CFAP58: variants seen among roughly 807,000 people sequenced by gnomAD.
CFAP58 encodes the protein cilia- and flagella-associated protein 58.
CFAP58 carries 88 observed loss-of-function variants against 119.5 expected under a neutral mutation model. The ratio of observed to expected loss-of-function variants is 0.74; its 90% CI spans 0.62 to 0.88. The LOEUF is 0.88. CFAP58 is among the 40% of genes least tolerant of loss of function. The pLI is 0.00. For synonymous variants in CFAP58, 365 were observed against 366.3 expected, an observed-to-expected ratio of 1.00 and a Z score of 0.04; for missense variants, 990 against 1,021.2, an observed-to-expected ratio of 0.97 and a Z score of 0.42.
intron 9 of CFAP58, 51 bp downstream of exon 9, chr10:104,380,271 C>A: frequency 2.0e-6 from 3 of 1,465,178 alleles, no homozygotes; most frequent in South Asian, 1.2e-5. Context: ...TTCCTTCCTC[C>A]GCATTTCTGA....
intron 1 of CFAP58, among the ~76,000 whole-genome samples, chr10:104,354,917 T>C (rs2014522359): frequency 1.3e-5 from 2 of 152,028 alleles, no homozygotes; most frequent in South Asian, 4.1e-4. Context: ...CACCCCATTC[T>C]AGTTACTCTC....
intron 9 of CFAP58, among the ~76,000 whole-genome samples, chr10:104,380,818 G>A (rs1174161940): frequency 1.3e-5 from 2 of 151,744 alleles, no homozygotes; most frequent in East Asian, 1.9e-4. Flanking sequence ...GCAACATGTC[G>A]AGACCCTGTC....
At position 104,393,448 on chromosome 10, in the gene CFAP58, A is replaced by G. The variant is rs1318226856; in HGVS notation, c.1647A>G (p.Arg549=). 6.2e-7 allele frequency: 1 copy of G among 1,613,912 alleles called. No homozygotes were observed. The highest frequency in any genetic ancestry group is 8.5e-7 in the Non-Finnish European group (1 of 1,179,852). The change falls in exon 11 of 18, where the codon CGA becomes CGG. Residue 549 remains arginine (R), a synonymous_variant. Coordinates refer to ENST00000369704, the MANE Select transcript of CFAP58 (RefSeq NM_001008723.2). The stretch of plus-strand genomic sequence containing the variant: ...TGAAGCTGCACCTGGAACAGCAGCG[A>G]ATAGAAAAGGAAAAGGAAACATTGA... ...ALVKLHLEQQ[R]IEKEKETLKA... is the part of the protein sequence containing the mutation.
rs544640054 is a variant in CFAP58 at position 104,399,407 on chromosome 10, T to C, written c.1722T>C (p.Phe574=). 2.1e-5 allele frequency: 34 copies of C among 1,613,830 alleles called. No homozygotes were observed. The highest frequency in any genetic ancestry group is 6.7e-5 in the African/African-American group (5 of 75,030). The change falls in exon 12 of 18, where the codon TTT becomes TTC. Residue 574 remains phenylalanine (F), a synonymous_variant. Transcript: ENST00000369704. The part of the protein sequence containing the change: ...LRQQALETKH[F]IEKQEAEERK... The stretch of plus-strand genomic sequence containing the variant: ...AACAAGCCCTGGAGACAAAACACTT[T>C]ATTGAAAAGCAAGAAGCTGAAGAGA...
the CFAP58 span, among the ~76,000 whole-genome samples, chr10:104,344,741 C>G: frequency 6.6e-6 from 1 of 152,088 alleles, no homozygotes; most frequent in Non-Finnish European, 1.5e-5. Flanking sequence ...CTTTTTGCCT[C>G]CCTTGCATTG....
rs2012872493 is a variant in CFAP58 at position 104,432,848 on chromosome 10, T to C, written c.2257-14850T>C. Among the ~76,000 whole-genome samples the C allele has an allele frequency of 2.0e-5, 3 of 152,312 alleles. 1 individual carries two copies. Among genetic ancestry groups the C allele is most frequent in the Admixed American group, 2.0e-4 (3 of 15,302 alleles). ...GGGTAGAGTTTAAATGGATGTAAAC[T>C]TTCTAGAAGAGAATATGGTAGTATG... On this transcript the variant is annotated intron_variant, in intron 15 of 17. Transcript: ENST00000369704.
chr10:104,376,497 C>T lies in CFAP58; in HGVS notation c.1091-314C>T, dbSNP rs1414967970. 1.1e-4 allele frequency among the ~76,000 whole-genome samples: 15 copies of T among 137,952 alleles called. No homozygotes were observed. The South Asian group carries it at 2.5e-3, about 23-fold the overall frequency. 90.5% of individuals were successfully genotyped at this position (137,952 alleles called of 152,430 possible). ...CAGCCTGGGCGACAGAGCAAAACTC[C>T]GTCTCAAAAAAAAAAAAAAAAAAAG... On this transcript the variant is annotated intron_variant, in intron 7 of 17. Transcript: ENST00000369704.
chr10:104,358,699 G>C, intron 2 of CFAP58, 77 bp downstream of exon 2: 2 of 1,320,824 alleles, frequency 1.5e-6, no homozygotes, highest in Non-Finnish European at 2.1e-6. Flanking sequence ...CTCTAGGCTG[G>C]TAGTAAATGA....
chr10:104,351,176 C>T (rs1231894681), upstream of CFAP58, among the ~76,000 whole-genome samples: 1 of 152,144 alleles, frequency 6.6e-6, no homozygotes, highest in African/African-American at 2.4e-5. Context: ...GTGGTTCAGC[C>T]TGCCTCTCCA....
At chr10:104,420,016 A>G (rs184769581) in intron 15 of CFAP58, among the ~76,000 whole-genome samples, 1 of 152,224 alleles carries the variant, frequency 6.6e-6, no homozygotes, top group East Asian at 1.9e-4. Flanking sequence ...TAAAGCTCAG[A>G]TAGGTTTATG....
chr10:104,454,591 G>C lies in CFAP58; in HGVS notation c.*61G>C. ...ATGAAATCTGCTCTGGGACATTTTG[G>C]GGGAATCTCAAAGTCCTTGGATCAT... On this transcript the variant is annotated 3_prime_UTR_variant, in exon 18 of 18. Transcript: ENST00000369704. 1 of 1,270,028 alleles carries C rather than the reference G, an allele frequency of 7.9e-7. No individual in the cohort carries two copies. Among genetic ancestry groups the C allele is most frequent in the Admixed American group, 1.7e-5 (1 of 57,176 alleles). 78.7% of individuals were successfully genotyped at this position (1,270,028 alleles called of 1,614,324 possible).
the CFAP58 span, among the ~76,000 whole-genome samples, chr10:104,348,304 G>T: frequency 1.3e-5 from 2 of 152,126 alleles, no homozygotes; most frequent in Non-Finnish European, 2.9e-5. Flanking sequence ...ATGTAGGCCT[G>T]CAAGTCAGTG....
chr10:104,406,013 T>C (rs2133049864), intron 14 of CFAP58, among the ~76,000 whole-genome samples: 1 of 152,212 alleles, frequency 6.6e-6, no homozygotes, highest in East Asian at 1.9e-4. Flanking sequence ...GGAGGATTGC[T>C]CGATCCCCCA....
intron 15 of CFAP58, among the ~76,000 whole-genome samples, chr10:104,420,843 C>T (rs1415198152): frequency 1.3e-5 from 2 of 148,764 alleles, no homozygotes; most frequent in East Asian, 2.0e-4. Context: ...GCCTCAAGTT[C>T]CTGGGCTCAG....
intron 15 of CFAP58, among the ~76,000 whole-genome samples, chr10:104,441,460 A>G (rs1405655588): frequency 6.6e-6 from 1 of 152,246 alleles, no homozygotes; most frequent in African/African-American, 2.4e-5. Flanking sequence ...AATTCTTCAC[A>G]TGGATTAAAT....
the CFAP58 span, among the ~76,000 whole-genome samples, chr10:104,340,212 C>T: frequency 6.6e-6 from 1 of 152,190 alleles, no homozygotes; most frequent in East Asian, 1.9e-4. Flanking sequence ...ATCTCACCAG[C>T]CTCATATCTC....
chr10:104,367,699 T>G (rs762881051), intron 5 of CFAP58, among the ~76,000 whole-genome samples: 1 of 152,222 alleles, frequency 6.6e-6, no homozygotes, highest in Non-Finnish European at 1.5e-5. Context: ...GGAAGTTATA[T>G]TTTGGAGACA....
chr10:104,368,586 C>T, intron 6 of CFAP58, 26 bp downstream of exon 6: 1 of 1,611,932 alleles, frequency 6.2e-7, no homozygotes, highest in Non-Finnish European at 8.5e-7. Flanking sequence ...CATGTCTGTT[C>T]CCTAGCTCTT....
chr10:104,438,348 G>GT lies in CFAP58; in HGVS notation c.2257-9338dup, dbSNP rs759400382. ...ATTGTTTTTTTGTTTTTTGTTTTTT[G>GT]TTTTTTTTTTTTGTTTTTTTTTTTT... On this transcript the variant is annotated intron_variant, in intron 15 of 17. Transcript: ENST00000369704. Among the ~76,000 whole-genome samples the GT allele has an allele frequency of 6.3e-3, 229 of 36,624 alleles. 3 individuals are homozygous for GT. The highest frequency in any genetic ancestry group is 0.02 in the South Asian group (24 of 1,190). The allele number at this position is 36,624 out of a possible 152,430, so 24.0% of individuals were successfully genotyped here.
Sources: gnomAD v4.1 joint callset for allele counts (sites outside exome capture counted in the v4.1 genomes callset) on GRCh38, gnomAD v4.1.1 for gene constraint, MANE v1.5 for transcripts, NCBI Gene and HGNC (gene_info 2026-07-23, HGNC 2026-07-21) for gene names.